MVB12B: variants seen among roughly 807,000 people sequenced by gnomAD.
The protein encoded by MVB12B is multivesicular body subunit 12B, also known as ESCRT-I complex subunit MVB12B.
MVB12B carries 16 observed loss-of-function variants against 41.6 expected under a neutral mutation model. The observed-to-expected ratio is 0.38, with a 90% confidence interval of 0.26 to 0.58. The LOEUF is 0.58. Ranked by LOEUF, MVB12B falls within the 20% of genes least tolerant of loss-of-function variation. The probability of loss-of-function intolerance (pLI) is 0.62; values close to 1 mark genes in which losing one functional copy is unlikely to be tolerated. For missense variants in MVB12B, 274 were observed against 380.2 expected (o/e 0.72, Z 2.32); for synonymous variants, 133 against 139.7 (o/e 0.95, Z 0.34).
rs919255539 is a variant in MVB12B at position 126,478,553 on chromosome 9, G to A, written c.758-2816G>A. On this transcript the variant is annotated intron_variant, in intron 7 of 9. Transcript: ENST00000361171. The surrounding 1 kb of genome is among the most constrained non-coding windows in gnomAD (Gnocchi z 4.2). Reference sequence around the variant, plus strand: ...GAGAGGCACTCAGAAGACTGGGAAGGACAGTTGAGGTACAAGCATAGAGGG... The same window carrying A: ...GAGAGGCACTCAGAAGACTGGGAAGAACAGTTGAGGTACAAGCATAGAGGG... 3.3e-5 allele frequency among the ~76,000 whole-genome samples: 5 copies of A among 152,192 alleles called. No individual in the cohort carries two copies. Among genetic ancestry groups the A allele is most frequent in the African/African-American group, 1.2e-4 (5 of 41,450 alleles).
At chr9:126,378,031 G>C (rs1830528255) in intron 2 of MVB12B, among the ~76,000 whole-genome samples, 1 of 152,232 alleles carries the variant, frequency 6.6e-6, no homozygotes, top group Non-Finnish European at 1.5e-5. Flanking sequence ...GAGGAGGACA[G>C]GACTGGTTTA....
rs531856916 is a variant in MVB12B, at chr9:126,390,721, G to T, written c.410-1345G>T. 2.0e-5 allele frequency among the ~76,000 whole-genome samples: 3 copies of T among 152,308 alleles called. No individual in the cohort carries two copies. In the South Asian group the frequency reaches 6.2e-4, roughly 32 times the overall value. ...CACGCCTGTAACCCCAGCACTTTGGGAGGCCAAGGAGGGTGGATCACGAGG... is the reference window on the plus strand; with the variant it reads ...CACGCCTGTAACCCCAGCACTTTGGTAGGCCAAGGAGGGTGGATCACGAGG... On this transcript the variant is annotated intron_variant, in intron 4 of 9. Transcript: ENST00000361171.
chr9:126,475,127 ACT>A (rs1324506214), intron 7 of MVB12B, among the ~76,000 whole-genome samples: 1 of 151,784 alleles, frequency 6.6e-6, no homozygotes, highest in Non-Finnish European at 1.5e-5. Context: ...ACACTACGAG[ACT>A]CTTCATGGGT....
Position 126,403,179 on chromosome 9 carries a change from C to T in MVB12B, c.662+7482C>T, listed in dbSNP as rs1564311968. Among the ~76,000 whole-genome samples the T allele has an allele frequency of 2.0e-5, 3 of 152,200 alleles. No individual in the cohort carries two copies. In the South Asian group the frequency reaches 6.2e-4, roughly 31 times the overall value. On this transcript the variant is annotated intron_variant, in intron 6 of 9. Coordinates refer to ENST00000361171, the MANE Select transcript of MVB12B (RefSeq NM_033446.3). ...ATGTTCCTTTTTCCTCAATCGAGAA[C>T]TTCACTGGCTTCCTGTTATCCGACC...
At chr9:126,460,016 T>C (rs1833057017) in intron 7 of MVB12B, among the ~76,000 whole-genome samples, 1 of 152,220 alleles carries the variant, frequency 6.6e-6, no homozygotes, top group South Asian at 2.1e-4. Context: ...AGCCGTGGCC[T>C]CTGCAGTGTT....
intron 6 of MVB12B, among the ~76,000 whole-genome samples, chr9:126,399,462 A>G (rs1831208686): frequency 6.6e-6 from 1 of 152,184 alleles, no homozygotes; most frequent in African/African-American, 2.4e-5. Flanking sequence ...GCATGTGATC[A>G]GATGGTGGGG....
In MVB12B at chr9:126,395,986, CACAG is replaced by C; in HGVS notation, c.662+293_662+296del. ...CTATTCAAAAGAGCTGCTAGCTACA[CACAG>C]ACACGTGCTGTATAGCCATGGGGTT... On this transcript the variant is annotated intron_variant, in intron 6 of 9. Transcript: ENST00000361171. The surrounding 1 kb of genome is among the most constrained non-coding windows in gnomAD (Gnocchi z 4.9). The C allele has an allele frequency of 8.2e-7, 1 of 1,224,130 alleles. No homozygotes were observed. The highest frequency in any genetic ancestry group is 2.0e-5 in the South Asian group (1 of 49,856). The allele number at this position is 1,224,130 out of a possible 1,614,324, so 75.8% of individuals were successfully genotyped here.
rs536232232 is a variant in MVB12B, at chr9:126,504,070, A to G, written c.*807A>G. 6.6e-6 allele frequency: 1 copy of G among 152,430 alleles called. No homozygotes were observed. Among genetic ancestry groups the G allele is most frequent in the Admixed American group, 6.5e-5 (1 of 15,290 alleles). 9.4% of individuals were successfully genotyped at this position (152,430 alleles called of 1,614,324 possible). On this transcript the variant is annotated 3_prime_UTR_variant, in exon 10 of 10. Coordinates refer to ENST00000361171, the MANE Select transcript of MVB12B (RefSeq NM_033446.3). ...CCAGGTGCCTCAGCCCCGTGCCCTG[A>G]CCCGGGGACCACAGGGACACCCTCT...
At chr9:126,377,066 C>T (rs755829173) in intron 2 of MVB12B, among the ~76,000 whole-genome samples, 1 of 152,042 alleles carries the variant, frequency 6.6e-6, no homozygotes, top group African/African-American at 2.4e-5. Flanking sequence ...CTTTGTGCTG[C>T]CTCTCCCCTC....
intron 7 of MVB12B, among the ~76,000 whole-genome samples, chr9:126,441,240 C>T (rs1298360459): frequency 1.3e-5 from 2 of 152,222 alleles, no homozygotes; most frequent in African/African-American, 2.4e-5. Context: ...TTCCAGATTC[C>T]TCTGCGAGGC....
chr9:126,355,422 A>T (rs1056817541), intron 2 of MVB12B, among the ~76,000 whole-genome samples: 2 of 152,262 alleles, frequency 1.3e-5, no homozygotes, highest in African/African-American at 4.8e-5. Context: ...GGCCAGGGGC[A>T]TAAACAATAC....
chr9:126,454,047 G>T (rs1832933028), intron 7 of MVB12B, among the ~76,000 whole-genome samples: 1 of 152,224 alleles, frequency 6.6e-6, no homozygotes, highest in Admixed American at 6.5e-5. Flanking sequence ...GGACCTCAGA[G>T]TCAGTGCCAC....
intron 4 of MVB12B, among the ~76,000 whole-genome samples, chr9:126,388,414 A>G (rs10987263): frequency 0.051 from 7,759 of 152,252 alleles, 216 homozygotes; most frequent in Middle Eastern, 0.078. Context: ...ATATGGATAT[A>G]CCACATTTTG....
At position 126,343,594 on chromosome 9, in the gene MVB12B, T is replaced by C. The variant is rs932335028; in HGVS notation, c.204+2964T>C. Among the ~76,000 whole-genome samples the C allele has an allele frequency of 3.3e-5, 5 of 152,340 alleles. No individual in the cohort carries two copies. The East Asian group carries it at 9.6e-4, about 29-fold the overall frequency. ...TGTTTCCAGCAATACACATTTTACC[T>C]TTCACCCACATTCCTTTGCCTTTCT... On this transcript the variant is annotated intron_variant, in intron 2 of 9. Transcript: ENST00000361171.
chr9:126,399,486 T>C (rs2119019913), intron 6 of MVB12B, among the ~76,000 whole-genome samples: 1 of 152,288 alleles, frequency 6.6e-6, no homozygotes, highest in African/African-American at 2.4e-5. Context: ...CTGATTCAGC[T>C]CTGTGATGCT....
At chr9:126,453,826 A>G (rs1021061742) in intron 7 of MVB12B, among the ~76,000 whole-genome samples, 3 of 152,182 alleles carry the variant, frequency 2.0e-5, no homozygotes, top group African/African-American at 7.2e-5. Flanking sequence ...GTGTGCACAC[A>G]TGACATATAC....
At chr9:126,497,839 G>A (rs774860517) in intron 9 of MVB12B, among the ~76,000 whole-genome samples, 22 of 152,200 alleles carry the variant, frequency 1.4e-4, no homozygotes, top group Admixed American at 3.9e-4. Context: ...GGAAGAAGAC[G>A]TGCAGGGTTT....
chr9:126,421,392 G>T (rs568595454), intron 6 of MVB12B, among the ~76,000 whole-genome samples: 1 of 152,334 alleles, frequency 6.6e-6, no homozygotes, highest in Non-Finnish European at 1.5e-5. Context: ...CAACACCTTT[G>T]TTTACAGAGC....
At position 126,503,458 on chromosome 9, in the gene MVB12B, G is replaced by A; in HGVS notation, c.*195G>A. On this transcript the variant is annotated 3_prime_UTR_variant, in exon 10 of 10. Coordinates refer to ENST00000361171, the MANE Select transcript of MVB12B (RefSeq NM_033446.3). Reference sequence around the variant, plus strand: ...CCTCACTGACACCCCGGCCTCCCTGGGGACATTGTTCATAACCATGACTAA... The same window carrying A: ...CCTCACTGACACCCCGGCCTCCCTGAGGACATTGTTCATAACCATGACTAA... 1.7e-6 allele frequency: 1 copy of A among 599,450 alleles called. No homozygotes were observed. Among genetic ancestry groups the A allele is most frequent in the Non-Finnish European group, 3.0e-6 (1 of 336,616 alleles). The allele number at this position is 599,450 out of a possible 1,614,324, so 37.1% of individuals were successfully genotyped here. A position where few individuals can be genotyped will look rare whatever the true frequency, so the allele number is the denominator to read the frequency against.
Sources: allele counts gnomAD v4.1 joint callset (sites outside exome capture counted in the v4.1 genomes callset), GRCh38; gene constraint gnomAD v4.1.1; non-coding constraint Gnocchi (gnomAD v3.1); transcripts MANE v1.5; gene names NCBI Gene and HGNC (gene_info 2026-07-23, HGNC 2026-07-21).